Variants in CHN1 observed in about 807,000 individuals in gnomAD.
CHN1 encodes N-chimaerin.
In CHN1, 37 loss-of-function variants were observed where a neutral mutation model predicts 59.5. The ratio of observed to expected loss-of-function variants is 0.62; its 90% CI spans 0.48 to 0.82. CHN1 has a LOEUF of 0.82. CHN1 is among the 40% of genes least tolerant of loss of function. The pLI is 0.00. For missense variants in CHN1, 469 were observed against 571.0 expected, an observed-to-expected ratio of 0.82 and a Z score of 1.82; for synonymous variants, 206 against 200.4, an observed-to-expected ratio of 1.03 and a Z score of -0.24.
chr2:174,842,412 C>G (rs1461601731), intron 7 of CHN1, among the ~76,000 whole-genome samples: 4 of 151,940 alleles, frequency 2.6e-5, no homozygotes, highest in Admixed American at 6.6e-5. Context: ...ATAGGAACTT[C>G]AATAAAATTT....
chr2:174,932,191 C>T (rs1173390522), intron 3 of CHN1, among the ~76,000 whole-genome samples: 2 of 152,120 alleles, frequency 1.3e-5, no homozygotes, highest in Admixed American at 6.5e-5. Context: ...GACAAATCAA[C>T]CTTAATATAT....
At chr2:174,982,103 C>A (rs1357319035) in intron 1 of CHN1, among the ~76,000 whole-genome samples, 2 of 152,158 alleles carry the variant, frequency 1.3e-5, no homozygotes, top group Non-Finnish European at 2.9e-5. Context: ...TAGCTTCACC[C>A]ATGTCCCTAC....
chr2:174,934,974 T>A (rs528897448), intron 3 of CHN1, among the ~76,000 whole-genome samples: 3 of 152,182 alleles, frequency 2.0e-5, no homozygotes, highest in Non-Finnish European at 4.4e-5. Flanking sequence ...AAAATATCCA[T>A]CCTCTTCCCT....
At position 174,932,751 on chromosome 2, in the gene CHN1, C is replaced by CCTCT. The variant is rs142078683; in HGVS notation, c.114+12133_114+12136dup. 8.1e-3 allele frequency among the ~76,000 whole-genome samples: 1,240 copies of CCTCT among 152,152 alleles called. 18 individuals are homozygous for CCTCT. The highest frequency in any genetic ancestry group is 0.028 in the African/African-American group (1,177 of 41,504). On this transcript the variant is annotated intron_variant, in intron 3 of 12. Coordinates refer to ENST00000409900, the MANE Select transcript of CHN1 (RefSeq NM_001822.7). ...GGTTGTTTAAGTGTGTGGCACCTGCCCTCTGTCTTCCTCCTGCTATGGCCA... is the reference window on the plus strand; with the variant it reads ...GGTTGTTTAAGTGTGTGGCACCTGCCCTCTCTCTGTCTTCCTCCTGCTATGGCCA...
chr2:174,844,380 T>C (rs1349996163), intron 7 of CHN1, among the ~76,000 whole-genome samples: 1 of 152,198 alleles, frequency 6.6e-6, no homozygotes, highest in East Asian at 1.9e-4. Flanking sequence ...AAGGCATTCT[T>C]GGCTTCACTC....
At chr2:174,910,610 A>T (rs1254304851) in intron 5 of CHN1, among the ~76,000 whole-genome samples, 1 of 152,188 alleles carries the variant, frequency 6.6e-6, no homozygotes, top group African/African-American at 2.4e-5. Flanking sequence ...CATTTATGGC[A>T]ATCCCCCCAA....
chr2:174,898,232 A>G (rs1688278642), intron 5 of CHN1, among the ~76,000 whole-genome samples: 2 of 152,194 alleles, frequency 1.3e-5, no homozygotes, highest in South Asian at 2.1e-4. Context: ...CACCTTGTGG[A>G]GAGCCACACC....
intron 1 of CHN1, among the ~76,000 whole-genome samples, chr2:174,970,668 G>A (rs1320293078): frequency 6.6e-6 from 1 of 152,110 alleles, no homozygotes; most frequent in East Asian, 1.9e-4. Flanking sequence ...TCATGTGTGG[G>A]CAAAAGATCC....
At chr2:174,826,932 G>A (rs942920539) in intron 7 of CHN1, among the ~76,000 whole-genome samples, 3 of 152,032 alleles carry the variant, frequency 2.0e-5, no homozygotes, top group Non-Finnish European at 4.4e-5. Context: ...TTTGAGGCTG[G>A]GTTGTTTTTT....
At chr2:174,847,801 A>G (rs1686585786) in intron 6 of CHN1, 1 of 495,504 alleles carries the variant, frequency 2.0e-6, no homozygotes, top group South Asian at 1.7e-5. Flanking sequence ...AAAAAAAAAA[A>G]TCAGTGGGAA....
chr2:174,811,713 A>T (rs924122818), intron 9 of CHN1, 125 bp from the exon 10 acceptor site: 2 of 583,456 alleles, frequency 3.4e-6, no homozygotes, highest in Non-Finnish European at 6.0e-6. Context: ...AAATCTTTTC[A>T]CACTCTTCTC....
At position 174,811,518 on chromosome 2, in the gene CHN1, G is replaced by A. The variant is rs757163968; in HGVS notation, c.957C>T (p.Phe319=). Residue 319 remains phenylalanine, a synonymous_variant, in exon 10 of 13, where the codon TTC becomes TTT. Coordinates refer to ENST00000409900, the MANE Select transcript of CHN1 (RefSeq NM_001822.7). ...ACATTGTGAAAAACATACCTCTGTC[G>A]AAAGCCATCTTGACATCTTCAATTA... ...SDLIEDVKMA[F]DRDGEKADIS... The A allele has an allele frequency of 1.9e-5, 30 of 1,608,966 alleles. No homozygotes were observed. Among genetic ancestry groups the A allele is most frequent in the Non-Finnish European group, 2.4e-5 (28 of 1,176,462 alleles).
At chr2:174,990,679 A>T (rs2105462336) in intron 1 of CHN1, among the ~76,000 whole-genome samples, 1 of 152,186 alleles carries the variant, frequency 6.6e-6, no homozygotes, top group East Asian at 1.9e-4. Context: ...ACTTCAACTA[A>T]AAAAAATGAA....
chr2:174,933,381 G>GA lies in CHN1; in HGVS notation c.114+11506dup, dbSNP rs532391189. Among the ~76,000 whole-genome samples the GA allele has an allele frequency of 4.8e-3, 733 of 151,376 alleles. 6 individuals carry two copies. The highest frequency in any genetic ancestry group is 0.017 in the African/African-American group (685 of 41,298). ...AGAGAAATAGACTGTGGGGGCAAAAGAAAAAATAAAAGAATGTAGTATCCT... is the reference window on the plus strand; with the variant it reads ...AGAGAAATAGACTGTGGGGGCAAAAGAAAAAAATAAAAGAATGTAGTATCCT... On this transcript the variant is annotated intron_variant, in intron 3 of 12. Coordinates refer to ENST00000409900, the MANE Select transcript of CHN1 (RefSeq NM_001822.7).
intron 1 of CHN1, among the ~76,000 whole-genome samples, chr2:175,002,151 A>G (rs1418123252): frequency 6.6e-6 from 1 of 152,250 alleles, no homozygotes; most frequent in African/African-American, 2.4e-5. Context: ...AGTCTGTAAT[A>G]CATTTGGATA....
At chr2:174,910,118 T>G (rs867333244) in intron 5 of CHN1, among the ~76,000 whole-genome samples, 40 of 152,352 alleles carry the variant, frequency 2.6e-4, no homozygotes, top group African/African-American at 8.2e-4. Flanking sequence ...TCCTCTATTC[T>G]TTCAATCTAT....
At chr2:175,000,694 T>G (rs1035383056) in intron 1 of CHN1, among the ~76,000 whole-genome samples, 2 of 152,136 alleles carry the variant, frequency 1.3e-5, no homozygotes, top group Non-Finnish European at 2.9e-5. Flanking sequence ...TCCACCCACC[T>G]CGGCCTCCCA....
chr2:174,902,263 AG>A (rs1211731364), intron 5 of CHN1, among the ~76,000 whole-genome samples: 1 of 152,168 alleles, frequency 6.6e-6, no homozygotes, highest in African/African-American at 2.4e-5. Flanking sequence ...TTTTCAAGTA[AG>A]GGATGCCTTA....
intron 1 of CHN1, among the ~76,000 whole-genome samples, chr2:174,960,881 C>CT (rs1280054084): frequency 6.6e-6 from 1 of 151,954 alleles, no homozygotes; most frequent in African/African-American, 2.4e-5. Flanking sequence ...AATGTCAGCA[C>CT]TTTGGGAGGC....
Sources: allele counts gnomAD v4.1 joint callset (sites outside exome capture counted in the v4.1 genomes callset), GRCh38; gene constraint gnomAD v4.1.1; transcripts MANE v1.5; gene names NCBI Gene and HGNC (gene_info 2026-07-23, HGNC 2026-07-21).